TRAPPC9: variants seen among roughly 807,000 people sequenced by gnomAD.
TRAPPC9 encodes the protein trafficking protein particle complex subunit 9.
A neutral mutation model predicts 124.0 loss-of-function variants in TRAPPC9; 83 were observed. That is an observed-to-expected ratio of 0.67 (90% CI 0.56 to 0.80). The LOEUF is 0.80. Among genes scored for constraint, TRAPPC9 ranks in the 30% least tolerant of loss-of-function variants. TRAPPC9 has a pLI of 0.00. For missense variants in TRAPPC9, 1,302 were observed against 1,508.3 expected (o/e 0.86, Z 2.27); for synonymous variants, 638 against 617.5 (o/e 1.03, Z -0.49).
At chr8:140,131,573 G>A (rs2061209560) in intron 17 of TRAPPC9, among the ~76,000 whole-genome samples, 1 of 152,188 alleles carries the variant, frequency 6.6e-6, no homozygotes. Context: ...CGGCTCTGTG[G>A]TGGAAACTGC....
intron 21 of TRAPPC9, chr8:139,881,410 C>G (rs762040263): frequency 6.6e-6 from 1 of 152,206 alleles, no homozygotes; most frequent in African/African-American, 2.4e-5. Flanking sequence ...CACTCATTTA[C>G]AGAGCATCAC....
chr8:140,113,397 G>A (rs2060819377), intron 17 of TRAPPC9, among the ~76,000 whole-genome samples: 1 of 152,244 alleles, frequency 6.6e-6, no homozygotes, highest in Admixed American at 6.5e-5. Flanking sequence ...GGGCCTTTGA[G>A]AATGAAATGA....
Position 139,957,604 on chromosome 8 carries a change from A to G in TRAPPC9, c.2810+31122T>C, listed in dbSNP as rs554042340. 2.3e-3 allele frequency among the ~76,000 whole-genome samples: 345 copies of G among 152,216 alleles called. 2 individuals carry two copies. The highest frequency in any genetic ancestry group is 4.3e-4 in the Non-Finnish European group (29 of 68,008). ...CAGTACACAGAGCTGTGCTCTCTCC[A>G]CCTCCAGCTGTCCAAGCTTGGAGAG... On this transcript the variant is annotated intron_variant, in intron 19 of 22. Transcript: ENST00000438773.
At chr8:140,312,758 CTTTTTTT>C (rs553049081) in intron 9 of TRAPPC9, among the ~76,000 whole-genome samples, 1 of 98,580 alleles carries the variant, frequency 1.0e-5, no homozygotes, top group Non-Finnish European at 2.2e-5. Context: ...TCTTCTTCTT[CTTTTTTT>C]TTTTTTTTTT....
At position 139,731,028 on chromosome 8, in the gene TRAPPC9, G is replaced by A. The variant is rs746941093; in HGVS notation, c.*33C>T. On this transcript the variant is annotated 3_prime_UTR_variant, in exon 23 of 23. Transcript: ENST00000438773. ...GGGAGGCCAGGCAGGGTCACCTCTG[G>A]CCCTGCAGAAAGAGGGACGGAAGTA... 1 of 1,608,790 alleles carries A rather than the reference G, an allele frequency of 6.2e-7. No homozygotes were observed. The highest frequency in any genetic ancestry group is 8.5e-7 in the Non-Finnish European group (1 of 1,178,602).
intron 9 of TRAPPC9, among the ~76,000 whole-genome samples, chr8:140,334,624 T>C (rs960545349): frequency 2.6e-5 from 4 of 151,552 alleles, no homozygotes; most frequent in African/African-American, 9.7e-5. Context: ...TACCACAGCT[T>C]GGGCGACAGA....
In TRAPPC9 at chr8:139,872,970, T is replaced by G. The variant is rs144988195; in HGVS notation, c.3055+12909A>C. On this transcript the variant is annotated intron_variant, in intron 21 of 22. Coordinates refer to ENST00000438773, the MANE Select transcript of TRAPPC9 (RefSeq NM_001160372.4). ...TGGGTTGGTGGGTAAATGGTTGGTT[T>G]GGTGGATAAATGAGTGGGCTGGTAG... Among the ~76,000 whole-genome samples, 2 of 2,172 alleles carry G rather than the reference T, an allele frequency of 9.2e-4. 1 individual carries two copies. The highest frequency in any genetic ancestry group is 3.6e-3 in the African/African-American group (2 of 552). 1.4% of individuals were successfully genotyped at this position (2,172 alleles called of 152,430 possible). A position where few individuals can be genotyped will look rare whatever the true frequency, so the allele number is the denominator to read the frequency against.
intron 21 of TRAPPC9, among the ~76,000 whole-genome samples, chr8:139,817,926 A>G (rs1298860189): frequency 6.6e-6 from 1 of 152,220 alleles, no homozygotes; most frequent in East Asian, 1.9e-4. Context: ...GAGATCCCCA[A>G]AGACAAATAG....
At chr8:139,988,158 G>C (rs1291170567) in intron 19 of TRAPPC9, among the ~76,000 whole-genome samples, 2 of 148,318 alleles carry the variant, frequency 1.3e-5, no homozygotes, top group African/African-American at 5.0e-5. Flanking sequence ...GCCCAGGCTG[G>C]AGTACGGTGG....
chr8:140,333,196 A>C (rs953885484), intron 9 of TRAPPC9, among the ~76,000 whole-genome samples: 2 of 152,124 alleles, frequency 1.3e-5, no homozygotes, highest in African/African-American at 4.8e-5. Context: ...AAAATAACAG[A>C]AAACAATACA....
At chr8:140,079,079 C>T (rs557984820) in intron 17 of TRAPPC9, among the ~76,000 whole-genome samples, 1 of 152,092 alleles carries the variant, frequency 6.6e-6, no homozygotes, top group Non-Finnish European at 1.5e-5. Context: ...ATAAGTCTCA[C>T]GAGATCTGAT....
intron 19 of TRAPPC9, among the ~76,000 whole-genome samples, chr8:139,950,612 C>G (rs1394586844): frequency 6.6e-6 from 1 of 152,192 alleles, no homozygotes; most frequent in African/African-American, 2.4e-5. Context: ...CTGCACCAGC[C>G]AAGGGCCTTC....
intron 17 of TRAPPC9, among the ~76,000 whole-genome samples, chr8:140,126,066 C>A (rs1442804340): frequency 3.9e-5 from 6 of 152,096 alleles, no homozygotes; most frequent in African/African-American, 1.4e-4. Flanking sequence ...GCCACAGCAC[C>A]AAGCCTGTCA....
intron 21 of TRAPPC9, among the ~76,000 whole-genome samples, chr8:139,736,102 G>T (rs1012827195): frequency 6.6e-6 from 1 of 152,166 alleles, no homozygotes. Context: ...CTCCCAGACT[G>T]GGGGCAGGGG....
intron 17 of TRAPPC9, among the ~76,000 whole-genome samples, chr8:140,162,412 C>T (rs529368828): frequency 6.6e-6 from 1 of 152,324 alleles, no homozygotes; most frequent in East Asian, 1.9e-4. Context: ...GTACTGCTTC[C>T]TTTATTGATC....
chr8:140,072,879 C>T (rs1462372715), intron 17 of TRAPPC9, among the ~76,000 whole-genome samples: 1 of 151,996 alleles, frequency 6.6e-6, no homozygotes, highest in Non-Finnish European at 1.5e-5. Flanking sequence ...ATACAAACAA[C>T]CCATAAAATG....
chr8:139,739,313 C>G (rs6578044), intron 21 of TRAPPC9, among the ~76,000 whole-genome samples: 125,151 of 152,246 alleles, frequency 0.82, 51,761 homozygotes, highest in East Asian at 0.89. Context: ...CCTGGCTGGC[C>G]GCTCCCTCTC....
Position 140,086,471 on chromosome 8 carries a change from C to T in TRAPPC9, c.2557-62392G>A, listed in dbSNP as rs567442174. On this transcript the variant is annotated intron_variant, in intron 17 of 22. Transcript: ENST00000438773. ...AGGGCAGCAGCCTCCCCATGGCTCT[C>T]AGGGGCCACAGCTCCACCTGTGCCC... Among the ~76,000 whole-genome samples, 3 of 152,294 alleles carry T rather than the reference C, an allele frequency of 2.0e-5. No individual in the cohort carries two copies. The East Asian group carries it at 5.8e-4, about 29-fold the overall frequency.
chr8:140,116,873 G>A (rs528070426), intron 17 of TRAPPC9, among the ~76,000 whole-genome samples: 21 of 128,400 alleles, frequency 1.6e-4, no homozygotes, highest in African/African-American at 5.1e-4. Flanking sequence ...GGAGTTCAGT[G>A]AGTAGGCGGA....
Sources: allele counts gnomAD v4.1 joint callset (sites outside exome capture counted in the v4.1 genomes callset), GRCh38; gene constraint gnomAD v4.1.1; transcripts MANE v1.5; gene names NCBI Gene and HGNC (gene_info 2026-07-23, HGNC 2026-07-21).